The following MAP1A variants were observed in gnomAD, a reference collection of about 807,000 sequenced individuals.
MAP1A encodes microtubule associated protein 1A.
Under a neutral mutation model 185.9 loss-of-function variants are expected in MAP1A, and 42 were observed. The observed-to-expected ratio is 0.23, with a 90% CI of 0.18 to 0.29. The LOEUF (loss-of-function observed/expected upper bound fraction) is 0.29, where lower values mean the gene tolerates loss of function less well. Among genes scored for constraint, MAP1A ranks in the 10% least tolerant of loss-of-function variants. The probability of loss-of-function intolerance (pLI) is 1.00; values close to 1 mark genes in which losing one functional copy is unlikely to be tolerated. For missense variants in MAP1A, 2,995 were observed against 3,450.4 expected, an observed-to-expected ratio of 0.87 and a Z score of 3.31; for synonymous variants, 1,229 against 1,335.9, an observed-to-expected ratio of 0.92 and a Z score of 1.74.
At position 43,527,266 on chromosome 15, in the gene MAP1A, C is replaced by G. The variant is rs777419493; in HGVS notation, c.5793C>G (p.Ser1931Arg). Residue 1931 changes from serine to arginine, a missense_variant, in exon 4 of 6, where the codon AGC (serine) becomes AGG (arginine). Ser to Arg is a moderately radical substitution (Grantham distance 110). Transcript: ENST00000300231. ...AGGCTCCTGACAAAAGCTCACACAG[C>G]TCAAAGGTACCAGAGGCCAGCAAAA... ...RAEAPDKSSH[S>R]SKVPEASKSH... 6 of 1,614,192 alleles carry G rather than the reference C, an allele frequency of 3.7e-6. No homozygotes were observed. Among genetic ancestry groups the G allele is most frequent in the Non-Finnish European group, 5.1e-6 (6 of 1,180,012 alleles).
chr15:43,524,846 T>G lies in MAP1A; in HGVS notation c.3373T>G (p.Leu1125Val). 1 of 1,614,032 alleles carries G rather than the reference T, an allele frequency of 6.2e-7. No homozygotes were observed. The highest frequency in any genetic ancestry group is 1.1e-5 in the South Asian group (1 of 91,064). ...AEALPGGLRT[L>V]PQEPGKPQKD... is the part of the protein sequence containing the mutation. ...AGCCCTTCCCGGAGGTTTGAGGACTTTACCCCAAGAACCTGGCAAACCTCA... is the reference window on the plus strand; with the variant it reads ...AGCCCTTCCCGGAGGTTTGAGGACTGTACCCCAAGAACCTGGCAAACCTCA... Residue 1125 changes from leucine to valine, a missense_variant, in exon 4 of 6, where the codon TTA becomes GTA. Transcript: ENST00000300231.
rs765933054 is a variant in MAP1A at position 43,528,624 on chromosome 15, C to T, written c.7151C>T (p.Ala2384Val). 1 of 1,613,484 alleles carries T rather than the reference C, an allele frequency of 6.2e-7. No individual in the cohort carries two copies. Among genetic ancestry groups the T allele is most frequent in the South Asian group, 1.1e-5 (1 of 91,078 alleles). The change falls in exon 4 of 6, where the codon GCT becomes GTT. Residue 2384 changes from alanine to valine, a missense_variant. Ala to Val is a moderately conservative substitution (Grantham distance 64). Around this residue, in one of 3 missense-constraint regions of MAP1A, gnomAD observed 2,728 missense variants for 2,986.0 expected, o/e 0.91. Transcript: ENST00000300231. Reference sequence around the variant, plus strand: ...AAGGCTGAAAATGAAGAGGCTGCGGCTTGCCCTGCCTGGGAACGTGGGGCC... The same window carrying T: ...AAGGCTGAAAATGAAGAGGCTGCGGTTTGCCCTGCCTGGGAACGTGGGGCC... Reference protein sequence around the residue: ...PAKAENEEAAACPAWERGAWP... With the variant: ...PAKAENEEAAVCPAWERGAWP...
At chr15:43,511,003 C>A (rs550172141) in exon 1 of MAP1A, 9 of 1,544,612 alleles carry the variant, frequency 5.8e-6, no homozygotes, top group African/African-American at 1.4e-5. Flanking sequence ...AGACCGAGGC[C>A]GAGCCTGCGC....
In MAP1A at chr15:43,526,913, C is replaced by A. The variant is rs781247851; in HGVS notation, c.5440C>A (p.Pro1814Thr). The A allele has an allele frequency of 5.6e-6, 9 of 1,613,978 alleles. No homozygotes were observed. The highest frequency in any genetic ancestry group is 7.6e-6 in the Non-Finnish European group (9 of 1,180,010). Residue 1814 changes from proline (P) to threonine (T), a missense_variant, in exon 4 of 6, where the codon CCA becomes ACA. By Grantham distance (38) the Pro-to-Thr change is conservative. Coordinates refer to ENST00000300231, the MANE Select transcript of MAP1A (RefSeq NM_002373.6). The surrounding 1 kb of genome is among the most constrained non-coding windows in gnomAD (Gnocchi z 4.7). The part of the protein sequence containing the change: ...EMVGQRVPSA[P>T]GQESPIPDPK... ...GGTTGGACAAAGGGTTCCTTCAGCC[C>A]CAGGACAAGAGAGTCCTATCCCAGA...
At chr15:43,512,367 C>A in intron 2 of MAP1A, 1 of 1,089,158 alleles carries the variant, frequency 9.2e-7, no homozygotes, top group Non-Finnish European at 1.4e-6. Flanking sequence ...GGAGAAGTGG[C>A]CTTGCGGGAG....
rs1277201955 is a variant in MAP1A at position 43,511,069 on chromosome 15, C to T, written c.81C>T (p.Gly27=). 2.6e-6 allele frequency: 4 copies of T among 1,549,552 alleles called. No individual in the cohort carries two copies. The South Asian group carries it at 3.6e-5, about 14-fold the overall frequency. Residue 27 remains glycine, a synonymous_variant, in exon 1 of 7, where the codon GGC becomes GGT. Transcript: ENST00000382031. ...CGGGGCTGGGGCTCCGAAGTCCCGG[C>T]GCACCGCTGGCTCAGAACCCCGCGG... is the stretch of plus-strand genomic sequence containing the variant.
chr15:43,522,862 C>A lies in MAP1A; in HGVS notation c.1389C>A (p.Asp463Glu), dbSNP rs1399698485. The change falls in exon 4 of 6, where the codon GAC becomes GAA. Residue 463 changes from aspartate to glutamate, a missense_variant. Coordinates refer to ENST00000300231, the MANE Select transcript of MAP1A (RefSeq NM_002373.6). The surrounding 1 kb of genome is among the most constrained non-coding windows in gnomAD (Gnocchi z 5.9). ...KPELKKISKP[D>E]LKPFTPEVRK... Reference sequence around the variant, plus strand: ...AGCTCAAGAAGATTTCCAAGCCAGACCTAAAGCCCTTTACTCCTGAGGTAC... The same window carrying A: ...AGCTCAAGAAGATTTCCAAGCCAGAACTAAAGCCCTTTACTCCTGAGGTAC... The A allele has an allele frequency of 1.0e-5, 16 of 1,607,770 alleles. No individual in the cohort carries two copies. Among genetic ancestry groups the A allele is most frequent in the Non-Finnish European group, 1.4e-5 (16 of 1,176,686 alleles).
At position 43,529,962 on chromosome 15, in the gene MAP1A, CT is replaced by C; in HGVS notation, c.8256+96del. 6.4e-7 allele frequency: 1 copy of C among 1,555,986 alleles called. No homozygotes were observed. Among genetic ancestry groups the C allele is most frequent in the Non-Finnish European group, 8.8e-7 (1 of 1,134,526 alleles). ...AGTCCCTATTTATTAAAGGATGGGC[CT>C]TTTCTAAGGGCAGCAGAGCTGCTTC... On this transcript the variant is annotated intron_variant, in intron 5 of 5. Transcript: ENST00000300231. This position sits in a 1 kb window ranked among gnomAD's most constrained non-coding sequence, Gnocchi z 4.3.
intron 1 of MAP1A, among the ~76,000 whole-genome samples, chr15:43,520,240 G>A (rs1356844570): frequency 6.6e-6 from 1 of 152,160 alleles, no homozygotes; most frequent in Non-Finnish European, 1.5e-5. Flanking sequence ...AAGGAGAAAG[G>A]GAAGTGAGGG....
intron 1 of MAP1A, among the ~76,000 whole-genome samples, chr15:43,518,878 A>AT (rs1208725355): frequency 6.6e-6 from 1 of 152,140 alleles, no homozygotes; most frequent in East Asian, 1.9e-4. Flanking sequence ...CAGGATATAA[A>AT]CCATGTAATT....
chr15:43,520,957 C>A lies in MAP1A; in HGVS notation c.-291-15C>A. On this transcript the variant is annotated splice_polypyrimidine_tract_variant and intron_variant, in intron 2 of 5. Coordinates refer to ENST00000300231, the MANE Select transcript of MAP1A (RefSeq NM_002373.6). ...ATTTCCTATATCTGTGACCACTCCC[C>A]TTCTTCCATTCCAGGTTCATCATCT... 6.5e-7 allele frequency: 1 copy of A among 1,548,608 alleles called. No individual in the cohort carries two copies. Among genetic ancestry groups the A allele is most frequent in the East Asian group, 2.4e-5 (1 of 40,920 alleles).
At position 43,527,359 on chromosome 15, in the gene MAP1A, G is replaced by C. The variant is rs1288689640; in HGVS notation, c.5886G>C (p.Glu1962Asp). The C allele has an allele frequency of 1.9e-6, 3 of 1,614,212 alleles. No individual in the cohort carries two copies. The Admixed American group carries it at 5.0e-5, about 27-fold the overall frequency. Residue 1962 changes from glutamate (E) to aspartate (D), a missense_variant, in exon 4 of 6, where the codon GAG (glutamate) becomes GAC (aspartate). By Grantham distance (45) the Glu-to-Asp change is conservative (BLOSUM62 2). This residue lies in a region of MAP1A where 2,728 missense variants were observed against 2,986.0 expected (regional missense o/e 0.91). Coordinates refer to ENST00000300231, the MANE Select transcript of MAP1A (RefSeq NM_002373.6). ...EQREPTPYPD[E>D]RSFQYADIYE... ...GAGAGCCCACACCCTATCCTGATGA[G>C]AGAAGCTTTCAGTATGCAGACATCT...
upstream of MAP1A, among the ~76,000 whole-genome samples, chr15:43,514,463 G>T (rs544793717): frequency 2.6e-5 from 4 of 152,198 alleles, no homozygotes; most frequent in Non-Finnish European, 5.9e-5. Flanking sequence ...GAGCTCAAGG[G>T]GATATGCTAG....
intron 1 of MAP1A, among the ~76,000 whole-genome samples, chr15:43,511,628 C>T (rs369876617): frequency 1.3e-5 from 2 of 152,160 alleles, no homozygotes; most frequent in South Asian, 2.1e-4. Context: ...CTGAACGCCC[C>T]GTACAAATCT....
At chr15:43,520,787 G>C in intron 2 of MAP1A, 64 bp downstream of exon 2, 1 of 1,398,884 alleles carries the variant, frequency 7.1e-7, no homozygotes, top group Non-Finnish European at 9.9e-7. Flanking sequence ...ACCCTTGCCA[G>C]TGCTACCACT....
Position 43,523,886 on chromosome 15 carries a change from C to G in MAP1A, c.2413C>G (p.Pro805Ala). Reference protein sequence around the residue: ...PATSGKVYGTPETELTYPTNI... With the variant: ...PATSGKVYGTAETELTYPTNI... Reference sequence around the variant, plus strand: ...TACCTCTGGCAAAGTCTATGGAACGCCAGAGACTGAACTCACCTACCCCAC... The same window carrying G: ...TACCTCTGGCAAAGTCTATGGAACGGCAGAGACTGAACTCACCTACCCCAC... Residue 805 changes from proline to alanine, a missense_variant, in exon 4 of 6, where the codon CCA (proline) becomes GCA (alanine). Pro to Ala is a conservative substitution (Grantham distance 27, BLOSUM62 -1). Transcript: ENST00000300231. 1 of 1,614,170 alleles carries G rather than the reference C, an allele frequency of 6.2e-7. No homozygotes were observed. Among genetic ancestry groups the G allele is most frequent in the Non-Finnish European group, 8.5e-7 (1 of 1,180,026 alleles).
upstream of MAP1A, chr15:43,517,579 ACCCCCCTCCCCCCCCCACCGCCCG>A: frequency 2.6e-5 from 3 of 114,942 alleles, no homozygotes; most frequent in Non-Finnish European, 5.4e-5. Flanking sequence ...CTCATCAAGC[ACCCCCCTCCCCCCCCCACCGCCCG>A]CCCCACTCCC....
upstream of MAP1A, among the ~76,000 whole-genome samples, chr15:43,516,281 C>T (rs910496580): frequency 6.6e-6 from 1 of 152,164 alleles, no homozygotes; most frequent in African/African-American, 2.4e-5. Context: ...GGATTGCTCC[C>T]CTTTTGTCCC....
chr15:43,513,867 G>A (rs1254386003), upstream of MAP1A, among the ~76,000 whole-genome samples: 1 of 152,194 alleles, frequency 6.6e-6, no homozygotes, highest in Non-Finnish European at 1.5e-5. Flanking sequence ...GGATGACAGA[G>A]GATGAAATTA....
Sources: gnomAD v4.1 joint callset for allele counts (sites outside exome capture counted in the v4.1 genomes callset) on GRCh38, gnomAD v4.1.1 for gene constraint, gnomAD v4.1.1 regional missense constraint, Gnocchi (gnomAD v3.1) non-coding constraint, MANE v1.5 for transcripts, NCBI Gene and HGNC (gene_info 2026-07-23, HGNC 2026-07-21) for gene names.